The following NCKAP5 variants were observed in gnomAD, a reference collection of about 807,000 sequenced individuals.
NCKAP5 encodes the protein nck-associated protein 5.
In NCKAP5, 92 loss-of-function variants were observed where a neutral mutation model predicts 167.0. The ratio of observed to expected loss-of-function variants is 0.55; its 90% confidence interval spans 0.47 to 0.66. The LOEUF (loss-of-function observed/expected upper bound fraction) is 0.66. Ranked by LOEUF, NCKAP5 falls within the 30% of genes least tolerant of loss-of-function variation. The pLI is 0.00. For missense variants in NCKAP5, 2,378 were observed against 2,315.0 expected (o/e 1.03, Z -0.56); for synonymous variants, 891 against 877.4 (o/e 1.02, Z -0.27).
chr2:133,525,728 G>T (rs1393961575), intron 2 of NCKAP5, among the ~76,000 whole-genome samples: 2 of 151,964 alleles, frequency 1.3e-5, no homozygotes, highest in African/African-American at 4.8e-5. Flanking sequence ...CAGAAACTGG[G>T]GATTATGTCT....
chr2:133,580,321 C>A, the NCKAP5 span, among the ~76,000 whole-genome samples: 1 of 152,120 alleles, frequency 6.6e-6, no homozygotes, highest in Non-Finnish European at 1.5e-5. Flanking sequence ...ATTTATACTT[C>A]AAGTCTTTGG....
chr2:133,550,071 C>T (rs905432085), intron 2 of NCKAP5, among the ~76,000 whole-genome samples: 3 of 151,484 alleles, frequency 2.0e-5, no homozygotes, highest in Non-Finnish European at 4.4e-5. Context: ...TCTGAATAGA[C>T]CAATAACAGG....
chr2:132,870,037 G>A (rs1456389198), intron 9 of NCKAP5, among the ~76,000 whole-genome samples: 1 of 152,162 alleles, frequency 6.6e-6, no homozygotes, highest in Non-Finnish European at 1.5e-5. Flanking sequence ...CCAAGGCAGT[G>A]AATCTTGATT....
chr2:133,518,984 T>C (rs1438574438), intron 2 of NCKAP5, among the ~76,000 whole-genome samples: 2 of 152,208 alleles, frequency 1.3e-5, no homozygotes, highest in Non-Finnish European at 2.9e-5. Flanking sequence ...TACAATGCTA[T>C]ACCAATTAAC....
intron 16 of NCKAP5, among the ~76,000 whole-genome samples, chr2:132,746,113 C>G (rs1323744374): frequency 2.6e-5 from 4 of 151,834 alleles, no homozygotes; most frequent in African/African-American, 9.7e-5. Flanking sequence ...GAAACATTTT[C>G]ATAAAGTAAA....
At chr2:132,718,654 T>C (rs746416296) in intron 19 of NCKAP5, among the ~76,000 whole-genome samples, 11 of 152,200 alleles carry the variant, frequency 7.2e-5, no homozygotes, top group Non-Finnish European at 1.5e-4. Context: ...GAAAGGTCCT[T>C]ATTGTATTTC....
intron 3 of NCKAP5, among the ~76,000 whole-genome samples, chr2:133,457,709 TG>T (rs1362718902): frequency 1.3e-5 from 2 of 152,162 alleles, no homozygotes; most frequent in Non-Finnish European, 2.9e-5. Context: ...CATTCGTTTG[TG>T]TAATTTGAAA....
chr2:132,753,864 A>G (rs1370287615), intron 16 of NCKAP5, among the ~76,000 whole-genome samples: 2 of 152,192 alleles, frequency 1.3e-5, no homozygotes, highest in African/African-American at 4.8e-5. Context: ...GAGCATGTCC[A>G]ACTGCCGGCA....
At chr2:132,832,760 A>G (rs918068940) in intron 11 of NCKAP5, among the ~76,000 whole-genome samples, 1 of 152,126 alleles carries the variant, frequency 6.6e-6, no homozygotes, top group African/African-American at 2.4e-5. Context: ...TCTTTATCCA[A>G]TAATCTGTTG....
intron 8 of NCKAP5, among the ~76,000 whole-genome samples, chr2:132,912,285 C>T (rs1431892572): frequency 6.6e-6 from 1 of 152,120 alleles, no homozygotes; most frequent in Non-Finnish European, 1.5e-5. Context: ...GAAATGCATC[C>T]TATCCTAGAC....
chr2:132,675,764 T>G (rs1684360339), intron 19 of NCKAP5, among the ~76,000 whole-genome samples: 1 of 151,980 alleles, frequency 6.6e-6, no homozygotes, highest in South Asian at 2.1e-4. Context: ...GGCTTACAGA[T>G]TTGTTGCTTC....
At chr2:133,325,869 A>T (rs1456261960) in intron 3 of NCKAP5, among the ~76,000 whole-genome samples, 1 of 152,118 alleles carries the variant, frequency 6.6e-6, no homozygotes, top group Non-Finnish European at 1.5e-5. Context: ...CCCATCATAC[A>T]TTGTGTTTGG....
At chr2:133,459,453 G>T (rs914201539) in intron 3 of NCKAP5, among the ~76,000 whole-genome samples, 11 of 152,138 alleles carry the variant, frequency 7.2e-5, no homozygotes, top group African/African-American at 2.7e-4. Flanking sequence ...ATCAGAGGAG[G>T]CTCATTTAGT....
chr2:133,123,451 A>G (rs2082311033), intron 6 of NCKAP5: 1 of 196,280 alleles, frequency 5.1e-6, no homozygotes, highest in South Asian at 9.9e-5. Flanking sequence ...CTTTTCTTCC[A>G]TCTGTTGTAA....
intron 3 of NCKAP5, among the ~76,000 whole-genome samples, chr2:133,429,655 T>G (rs1408092747): frequency 6.6e-6 from 1 of 151,786 alleles, no homozygotes; most frequent in Non-Finnish European, 1.5e-5. Context: ...ATTTTATTTT[T>G]TATGGCTGCA....
At chr2:132,806,621 GT>G (rs1188400790) in intron 11 of NCKAP5, among the ~76,000 whole-genome samples, 1 of 151,908 alleles carries the variant, frequency 6.6e-6, no homozygotes, top group Admixed American at 6.6e-5. Flanking sequence ...GGGATTGTTT[GT>G]TTTTTTCTTA....
intron 8 of NCKAP5, among the ~76,000 whole-genome samples, chr2:132,928,716 G>A (rs1696115295): frequency 6.6e-6 from 1 of 152,080 alleles, no homozygotes; most frequent in African/African-American, 2.4e-5. Context: ...TAAATTAAAT[G>A]GGATTTAGTA....
At chr2:132,942,892 A>G (rs1383981722) in intron 8 of NCKAP5, among the ~76,000 whole-genome samples, 1 of 152,234 alleles carries the variant, frequency 6.6e-6, no homozygotes, top group East Asian at 1.9e-4. Flanking sequence ...TCTGTCTGCC[A>G]ACGGGAGTAA....
intron 16 of NCKAP5, among the ~76,000 whole-genome samples, chr2:132,736,458 A>G (rs1186853857): frequency 1.3e-5 from 2 of 152,178 alleles, no homozygotes; most frequent in Non-Finnish European, 2.9e-5. Context: ...CTCATCTTCA[A>G]TGAGTTGATG....
Sources: allele counts gnomAD v4.1 joint callset (sites outside exome capture counted in the v4.1 genomes callset), GRCh38; gene constraint gnomAD v4.1.1; transcripts MANE v1.5; gene names NCBI Gene and HGNC (gene_info 2026-07-23, HGNC 2026-07-21).